The following NKAIN2 variants were observed in gnomAD, a reference collection of about 807,000 sequenced individuals.
The protein encoded by NKAIN2 is sodium/potassium-transporting ATPase subunit beta-1-interacting protein 2.
A neutral mutation model predicts 32.6 loss-of-function variants in NKAIN2; 14 were observed. The ratio of observed to expected loss-of-function variants is 0.43; its 90% CI spans 0.28 to 0.67. The LOEUF is 0.67. NKAIN2 is among the 30% of genes least tolerant of loss of function. The probability of loss-of-function intolerance (pLI) is 0.17; values close to 1 mark genes in which losing one functional copy is unlikely to be tolerated. For missense variants in NKAIN2, 198 were observed against 258.3 expected, an observed-to-expected ratio of 0.77 and a Z score of 1.60; for synonymous variants, 80 against 87.2, an observed-to-expected ratio of 0.92 and a Z score of 0.46.
chr6:124,750,856 G>A (rs1231890115), intron 4 of NKAIN2, among the ~76,000 whole-genome samples: 1 of 151,778 alleles, frequency 6.6e-6, no homozygotes, highest in African/African-American at 2.4e-5. Context: ...CACCATTCTT[G>A]GATAAGGTCC....
At chr6:123,986,158 A>G (rs950315344) in intron 1 of NKAIN2, among the ~76,000 whole-genome samples, 1 of 152,208 alleles carries the variant, frequency 6.6e-6, no homozygotes, top group Non-Finnish European at 1.5e-5. Flanking sequence ...AAGAAAAGAC[A>G]AAAGGGGCTA....
chr6:124,121,038 A>G (rs934743854), intron 1 of NKAIN2, among the ~76,000 whole-genome samples: 2 of 152,152 alleles, frequency 1.3e-5, no homozygotes, highest in Non-Finnish European at 2.9e-5. Flanking sequence ...AGTGAAGGCT[A>G]AATAAAGATC....
At chr6:124,361,950 G>A (rs1386166796) in intron 3 of NKAIN2, among the ~76,000 whole-genome samples, 1 of 152,012 alleles carries the variant, frequency 6.6e-6, no homozygotes, top group Admixed American at 6.6e-5. Context: ...ACCAATGCTT[G>A]TATCAAAATT....
rs1583654372 is a variant in NKAIN2, at chr6:124,690,798, T to C, written c.474+32412T>C. ...CATAGCAGCTTTCTCCTCAATTCAA[T>C]TGAATGCACTTCCTCTCTCTTCTGT... On this transcript the variant is annotated intron_variant, in intron 4 of 6. Transcript: ENST00000368417. 3.3e-5 allele frequency among the ~76,000 whole-genome samples: 5 copies of C among 152,308 alleles called. No individual in the cohort carries two copies. The South Asian group carries it at 1.0e-3, about 32-fold the overall frequency.
chr6:123,843,542 A>G (rs980500863), intron 1 of NKAIN2, among the ~76,000 whole-genome samples: 3 of 152,070 alleles, frequency 2.0e-5, no homozygotes, highest in African/African-American at 7.2e-5. Context: ...TGGAAAAGGT[A>G]TCTTTTGGTC....
intron 4 of NKAIN2, among the ~76,000 whole-genome samples, chr6:124,709,976 A>C (rs1775348533): frequency 6.6e-6 from 1 of 152,062 alleles, no homozygotes; most frequent in South Asian, 2.1e-4. Flanking sequence ...TTAGTGCTAT[A>C]AATTTCCCTC....
intron 1 of NKAIN2, among the ~76,000 whole-genome samples, chr6:123,818,430 G>A (rs1773791026): frequency 6.7e-6 from 1 of 150,322 alleles, no homozygotes; most frequent in Non-Finnish European, 1.5e-5. Context: ...ACTTCTGTTT[G>A]AAATAATATT....
intron 1 of NKAIN2, among the ~76,000 whole-genome samples, chr6:124,221,902 G>A (rs541391854): frequency 1.5e-3 from 221 of 152,288 alleles, no homozygotes; most frequent in Non-Finnish European, 2.7e-3. Flanking sequence ...GATCAACTGA[G>A]GTTACTTGTC....
chr6:124,218,055 CGT>C, intron 1 of NKAIN2, among the ~76,000 whole-genome samples: 3 of 149,604 alleles, frequency 2.0e-5, no homozygotes, highest in African/African-American at 7.4e-5. Flanking sequence ...AAGAGGAATT[CGT>C]CTAGTAAAAG....
At chr6:123,934,525 C>T (rs1020412327) in intron 1 of NKAIN2, among the ~76,000 whole-genome samples, 5 of 152,120 alleles carry the variant, frequency 3.3e-5, no homozygotes, top group Non-Finnish European at 7.4e-5. Flanking sequence ...TGTGCCATTA[C>T]TTATTCTTTT....
Position 124,738,315 on chromosome 6 carries a change from A to C in NKAIN2, c.475-53024A>C, listed in dbSNP as rs151234726. On this transcript the variant is annotated intron_variant, in intron 4 of 6. Transcript: ENST00000368417. ...GTATGAACATAGTTCTATTCCTTAG[A>C]TAATAAAATAAAACATAGAAATAAT... 6.0e-3 allele frequency among the ~76,000 whole-genome samples: 908 copies of C among 152,034 alleles called. 2 individuals are homozygous for C. Among genetic ancestry groups the C allele is most frequent in the Middle Eastern group, 0.017 (5 of 294 alleles).
intron 6 of NKAIN2, among the ~76,000 whole-genome samples, chr6:124,818,848 C>G (rs933244934): frequency 6.6e-6 from 1 of 151,884 alleles, no homozygotes; most frequent in African/African-American, 2.4e-5. Flanking sequence ...CAGTGGTTGT[C>G]CTGGCATAAT....
intron 1 of NKAIN2, among the ~76,000 whole-genome samples, chr6:123,936,098 C>T (rs235689): frequency 0.71 from 108,086 of 152,108 alleles, 38,828 homozygotes; most frequent in East Asian, 0.91. Context: ...GCACTAAAAG[C>T]GCCACTTTAA....
chr6:124,062,470 C>T (rs1026557430), intron 1 of NKAIN2, among the ~76,000 whole-genome samples: 1 of 152,106 alleles, frequency 6.6e-6, no homozygotes, highest in African/African-American at 2.4e-5. Context: ...ACTCTGTTGC[C>T]CAGGCTGGAA....
At chr6:124,094,925 A>G (rs1352981810) in intron 1 of NKAIN2, among the ~76,000 whole-genome samples, 3 of 152,166 alleles carry the variant, frequency 2.0e-5, no homozygotes, top group African/African-American at 7.2e-5. Flanking sequence ...AGCTAGAATC[A>G]TTGAGTTGTA....
intron 3 of NKAIN2, among the ~76,000 whole-genome samples, chr6:124,463,249 A>G (rs2114652319): frequency 6.6e-6 from 1 of 152,068 alleles, no homozygotes; most frequent in East Asian, 1.9e-4. Flanking sequence ...AGCCCAATGA[A>G]ATATAATAAA....
chr6:124,464,525 ATT>A (rs1776664359), intron 3 of NKAIN2, among the ~76,000 whole-genome samples: 1 of 151,400 alleles, frequency 6.6e-6, no homozygotes, highest in Admixed American at 6.6e-5. Context: ...TCTAAGGCAT[ATT>A]TATTTCCAAA....
At chr6:124,280,893 A>C (rs1184176192) in intron 1 of NKAIN2, among the ~76,000 whole-genome samples, 2 of 152,214 alleles carry the variant, frequency 1.3e-5, no homozygotes, top group Non-Finnish European at 2.9e-5. Context: ...AAAGGCAGAA[A>C]TATTATATGC....
intron 1 of NKAIN2, among the ~76,000 whole-genome samples, chr6:124,251,784 A>T (rs1439988904): frequency 6.6e-6 from 1 of 152,034 alleles, no homozygotes; most frequent in East Asian, 1.9e-4. Flanking sequence ...ATTCAAATTG[A>T]TAGAACCCTT....
Sources: allele counts gnomAD v4.1 joint callset (sites outside exome capture counted in the v4.1 genomes callset), GRCh38; gene constraint gnomAD v4.1.1; transcripts MANE v1.5; gene names NCBI Gene and HGNC (gene_info 2026-07-23, HGNC 2026-07-21).